THSD4: variants seen among roughly 807,000 people sequenced by gnomAD.
THSD4 encodes the protein thrombospondin type 1 domain containing 4, also known as thrombospondin type-1 domain-containing protein 4.
In THSD4, 69 loss-of-function variants were observed where a neutral mutation model predicts 119.0. The ratio of observed to expected loss-of-function variants is 0.58; its 90% CI spans 0.48 to 0.71. THSD4 has a LOEUF of 0.71. THSD4 is among the 30% of genes least tolerant of loss of function. The probability of loss-of-function intolerance (pLI) is 0.00; values close to 1 mark genes in which losing one functional copy is unlikely to be tolerated. For synonymous variants in THSD4, 524 were observed against 540.4 expected, an observed-to-expected ratio of 0.97 and a Z score of 0.42; for missense variants, 1,393 against 1,391.1, an observed-to-expected ratio of 1.00 and a Z score of -0.02.
intron 7 of THSD4, among the ~76,000 whole-genome samples, chr15:71,451,176 T>A (rs1015590025): frequency 7.9e-5 from 12 of 151,908 alleles, no homozygotes; most frequent in Non-Finnish European, 1.8e-4. Flanking sequence ...AGACTCCCTC[T>A]CAAAGAAAAA....
intron 15 of THSD4, among the ~76,000 whole-genome samples, chr15:71,761,648 C>G (rs938044818): frequency 2.0e-5 from 3 of 152,168 alleles, no homozygotes. Context: ...CACCTGGCAT[C>G]CATTAGTAAT....
intron 7 of THSD4, among the ~76,000 whole-genome samples, chr15:71,602,522 C>T (rs1485004368): frequency 8.2e-6 from 1 of 122,056 alleles, no homozygotes; most frequent in Non-Finnish European, 1.6e-5. Flanking sequence ...CGTTGCACTC[C>T]AGCCTGGACA....
intron 6 of THSD4, among the ~76,000 whole-genome samples, chr15:71,283,874 A>G (rs1037132734): frequency 2.6e-5 from 4 of 152,214 alleles, no homozygotes; most frequent in African/African-American, 7.2e-5. Flanking sequence ...TGAGAGCTCA[A>G]TGCCCAGGGA....
intron 13 of THSD4, among the ~76,000 whole-genome samples, chr15:71,747,535 G>T (rs1403125486): frequency 6.6e-6 from 1 of 152,228 alleles, no homozygotes; most frequent in African/African-American, 2.4e-5. Context: ...TCTGTTACAA[G>T]TTGAAAGGCT....
intron 7 of THSD4, among the ~76,000 whole-genome samples, chr15:71,454,027 C>T (rs866543321): frequency 4.6e-5 from 7 of 152,188 alleles, no homozygotes; most frequent in Admixed American, 1.3e-4. Flanking sequence ...GAGGCCAAGG[C>T]AGATGGATCA....
chr15:71,304,669 G>A lies in THSD4; in HGVS notation c.1015+47954G>A, dbSNP rs190611875. 6.6e-5 allele frequency among the ~76,000 whole-genome samples: 10 copies of A among 152,232 alleles called. No individual in the cohort carries two copies. In the East Asian group the frequency reaches 1.9e-3, roughly 30 times the overall value. On this transcript the variant is annotated intron_variant, in intron 6 of 17. Transcript: ENST00000261862. ...AGAGAATTCAGGTGCTGCTGGTTTT[G>A]AAGATGCCTAAAGGAGTTTCCAATG...
At chr15:71,695,543 G>T (rs1197061183) in intron 8 of THSD4, among the ~76,000 whole-genome samples, 2 of 143,424 alleles carry the variant, frequency 1.4e-5, no homozygotes, top group Non-Finnish European at 3.1e-5. Flanking sequence ...TTACAGCCCA[G>T]GGTATTTGAC....
chr15:71,380,779 G>A (rs1294374602), intron 6 of THSD4, among the ~76,000 whole-genome samples: 7 of 152,130 alleles, frequency 4.6e-5, no homozygotes, highest in Non-Finnish European at 1.0e-4. Flanking sequence ...CACAGTAGAA[G>A]AAACACAGAT....
At chr15:71,255,200 A>C (rs1448069614) in intron 5 of THSD4, among the ~76,000 whole-genome samples, 1 of 152,112 alleles carries the variant, frequency 6.6e-6, no homozygotes, top group Non-Finnish European at 1.5e-5. Flanking sequence ...TTCAGGGGCC[A>C]GGCTCCTTTT....
intron 8 of THSD4, among the ~76,000 whole-genome samples, chr15:71,720,034 T>C (rs147058847): frequency 0.011 from 594 of 52,886 alleles, 5 homozygotes; most frequent in East Asian, 0.058. Flanking sequence ...TTTTTTTTTT[T>C]TCTTTTTTTT....
chr15:71,598,771 C>T (rs2049953447), intron 7 of THSD4, among the ~76,000 whole-genome samples: 1 of 152,090 alleles, frequency 6.6e-6, no homozygotes, highest in Non-Finnish European at 1.5e-5. Context: ...GCACATACCA[C>T]CCCACCCAGC....
At chr15:71,745,691 G>A (rs1434685142) in intron 12 of THSD4, among the ~76,000 whole-genome samples, 1 of 152,170 alleles carries the variant, frequency 6.6e-6, no homozygotes, top group Non-Finnish European at 1.5e-5. Flanking sequence ...TAGCTCTGTT[G>A]CCCAGGCCAG....
chr15:71,589,120 A>G (rs2049747390), intron 7 of THSD4, among the ~76,000 whole-genome samples: 1 of 152,238 alleles, frequency 6.6e-6, no homozygotes. Flanking sequence ...GCATTCACTC[A>G]GCAATTTCAG....
At chr15:71,565,716 G>A (rs752547295) in intron 7 of THSD4, among the ~76,000 whole-genome samples, 1 of 152,142 alleles carries the variant, frequency 6.6e-6, no homozygotes, top group Non-Finnish European at 1.5e-5. Context: ...ACTTGAGGAG[G>A]GAAGGATTAA....
intron 6 of THSD4, among the ~76,000 whole-genome samples, chr15:71,301,726 G>A (rs919086053): frequency 6.6e-6 from 1 of 152,146 alleles, no homozygotes; most frequent in African/African-American, 2.4e-5. Flanking sequence ...GACCTCCTCC[G>A]GTAATATGAG....
At chr15:71,205,299 G>A (rs2043834590) in intron 3 of THSD4, among the ~76,000 whole-genome samples, 1 of 152,200 alleles carries the variant, frequency 6.6e-6, no homozygotes, top group South Asian at 2.1e-4. Flanking sequence ...GTATGGTGCA[G>A]TTTGTGTGTC....
At chr15:71,400,836 A>G (rs1171240463) in intron 6 of THSD4, among the ~76,000 whole-genome samples, 1 of 145,908 alleles carries the variant, frequency 6.9e-6, no homozygotes, top group Admixed American at 6.8e-5. Flanking sequence ...CAAAAAAAGA[A>G]AAAAAAAAAA....
At position 71,459,380 on chromosome 15, in the gene THSD4, G is replaced by GTCTCTC. The variant is rs141034841; in HGVS notation, c.1152+47577_1152+47582dup. Among the ~76,000 whole-genome samples, 1,359 of 137,734 alleles carry GTCTCTC rather than the reference G, an allele frequency of 9.9e-3. 15 individuals carry two copies. Among genetic ancestry groups the GTCTCTC allele is most frequent in the Non-Finnish European group, 0.016 (1,016 of 65,278 alleles). 90.4% of individuals were successfully genotyped at this position (137,734 alleles called of 152,430 possible). A position where few individuals can be genotyped will look rare whatever the true frequency, so the allele number is the denominator to read the frequency against. ...TCTCTCTCTGTCTCTCTGTCTCTCT[G>GTCTCTC]TCTCTCTCTCTCTCTCTCTCTCTCT... On this transcript the variant is annotated intron_variant, in intron 7 of 17. Coordinates refer to ENST00000261862, the MANE Select transcript of THSD4 (RefSeq NM_024817.3).
chr15:71,121,191 G>A (rs1194925966), intron 1 of THSD4, among the ~76,000 whole-genome samples: 1 of 152,136 alleles, frequency 6.6e-6, no homozygotes, highest in Non-Finnish European at 1.5e-5. Flanking sequence ...CAGCGTGGTG[G>A]TGCTGAGGAG....
Sources: gnomAD v4.1 joint callset for allele counts (sites outside exome capture counted in the v4.1 genomes callset) on GRCh38, gnomAD v4.1.1 for gene constraint, MANE v1.5 for transcripts, NCBI Gene and HGNC (gene_info 2026-07-23, HGNC 2026-07-21) for gene names.